The following HEATR5B variants were observed in gnomAD, a reference collection of about 807,000 sequenced individuals.
HEATR5B encodes HEAT repeat-containing protein 5B.
HEATR5B carries 156 observed loss-of-function variants against 224.1 expected under a neutral mutation model. The observed-to-expected ratio is 0.70, with a 90% CI of 0.61 to 0.80. The LOEUF (loss-of-function observed/expected upper bound fraction) is 0.80. Among genes scored for constraint, HEATR5B ranks in the 30% least tolerant of loss-of-function variants. HEATR5B has a pLI of 0.00. For synonymous variants in HEATR5B, 1,027 were observed against 893.0 expected, an observed-to-expected ratio of 1.15 and a Z score of -2.68; for missense variants, 2,323 against 2,535.5, an observed-to-expected ratio of 0.92 and a Z score of 1.80.
At chr2:37,063,551 T>C (rs920684001) in intron 10 of HEATR5B, among the ~76,000 whole-genome samples, 1 of 151,896 alleles carries the variant, frequency 6.6e-6, no homozygotes, top group Admixed American at 6.6e-5. Flanking sequence ...AGATGGAAAG[T>C]CTGAGGAAGA....
chr2:37,075,113 C>T (rs911814118), intron 5 of HEATR5B, among the ~76,000 whole-genome samples: 1 of 152,154 alleles, frequency 6.6e-6, no homozygotes, highest in Non-Finnish European at 1.5e-5. Context: ...AACTTATATA[C>T]AGATGTTCAC....
rs1258632909 is a variant in HEATR5B at position 36,990,927 on chromosome 2, T to C, written c.5546-128A>G. 7 of 692,508 alleles carry C rather than the reference T, an allele frequency of 1.0e-5. No homozygotes were observed. In the South Asian group the frequency reaches 1.4e-4, roughly 14 times the overall value. The allele number at this position is 692,508 out of a possible 1,614,324, so 42.9% of individuals were successfully genotyped here. A position where few individuals can be genotyped will look rare whatever the true frequency, so the allele number is the denominator to read the frequency against. On this transcript the variant is annotated intron_variant, in intron 33 of 35. Coordinates refer to ENST00000233099, the MANE Select transcript of HEATR5B (RefSeq NM_019024.3). ...CTGGTCTTGAACTCCTGAGCTCAAG[T>C]GATCCTCCTGCCTTGGCCTCCCAAA...
Position 37,075,386 on chromosome 2 carries a change from C to T in HEATR5B, c.597+99G>A, listed in dbSNP as rs961952016. ...AGAAAATGAAACTAATCCATTGGAA[C>T]ACAAAACATAATTTAAAATTTTAAA... On this transcript the variant is annotated intron_variant, in intron 5 of 35. Coordinates refer to ENST00000233099, the MANE Select transcript of HEATR5B (RefSeq NM_019024.3). The T allele has an allele frequency of 5.7e-6, 5 of 884,624 alleles. No individual in the cohort carries two copies. The South Asian group carries it at 6.7e-5, about 12-fold the overall frequency. The allele number at this position is 884,624 out of a possible 1,614,324, so 54.8% of individuals were successfully genotyped here.
At chr2:37,067,308 G>A (rs911777317) in intron 8 of HEATR5B, among the ~76,000 whole-genome samples, 10 of 152,036 alleles carry the variant, frequency 6.6e-5, no homozygotes, top group Admixed American at 2.0e-4. Flanking sequence ...CATTTGACGC[G>A]GTGTTTCTGG....
chr2:37,010,853 T>A (rs1667740409), intron 27 of HEATR5B, among the ~76,000 whole-genome samples: 1 of 151,520 alleles, frequency 6.6e-6, no homozygotes, highest in Admixed American at 6.6e-5. Flanking sequence ...ATTCATCAAA[T>A]CCTTACTAGG....
intron 20 of HEATR5B, among the ~76,000 whole-genome samples, chr2:37,040,050 T>C (rs781262898): frequency 5.9e-5 from 9 of 152,222 alleles, no homozygotes; most frequent in Non-Finnish European, 1.0e-4. Flanking sequence ...GGAACTCTAT[T>C]ATTAACTTTC....
At chr2:37,067,839 TACA>T (rs1217968656) in intron 8 of HEATR5B, among the ~76,000 whole-genome samples, 1 of 152,102 alleles carries the variant, frequency 6.6e-6, no homozygotes, top group Non-Finnish European at 1.5e-5. Context: ...CAACAAAAAC[TACA>T]ACTATTTATA....
In HEATR5B at chr2:37,008,741, C is replaced by T; in HGVS notation, c.4392G>A (p.Leu1464=). The part of the protein sequence containing the change: ...DDDDCGTIDE[L]PPDSLITLVQ... ...CCAGTGTTATTAAACTATCTGGTGG[C>T]AGTTCATCGATGGTACCACAGTCGT... The change falls in exon 28 of 36, where the codon CTG becomes CTA. Residue 1464 remains leucine (L), a synonymous_variant. Transcript: ENST00000233099. The T allele has an allele frequency of 6.2e-7, 1 of 1,613,740 alleles. No homozygotes were observed. Among genetic ancestry groups the T allele is most frequent in the Non-Finnish European group, 8.5e-7 (1 of 1,179,686 alleles).
chr2:37,033,858 T>C (rs1194643464), intron 21 of HEATR5B, among the ~76,000 whole-genome samples: 1 of 152,180 alleles, frequency 6.6e-6, no homozygotes, highest in Non-Finnish European at 1.5e-5. Flanking sequence ...GGCTGGCACA[T>C]GGTAACTGCT....
At chr2:36,994,005 TA>T (rs1666518916) in intron 33 of HEATR5B, among the ~76,000 whole-genome samples, 1 of 152,174 alleles carries the variant, frequency 6.6e-6, no homozygotes, top group Non-Finnish European at 1.5e-5. Flanking sequence ...CGGTTATTAT[TA>T]GGACAAGTAG....
At chr2:36,991,128 AATT>A (rs1331553079) in intron 33 of HEATR5B, among the ~76,000 whole-genome samples, 5 of 152,354 alleles carry the variant, frequency 3.3e-5, no homozygotes, top group African/African-American at 9.6e-5. Flanking sequence ...TTTAATGCTA[AATT>A]ATTATAAAAT....
intron 7 of HEATR5B, among the ~76,000 whole-genome samples, chr2:37,069,929 GCT>G (rs1425730316): frequency 7.2e-6 from 1 of 138,200 alleles, no homozygotes; most frequent in Non-Finnish European, 1.5e-5. Context: ...ATGGAGTCTC[GCT>G]CTGTCACCCA....
intron 26 of HEATR5B, among the ~76,000 whole-genome samples, chr2:37,014,623 C>T (rs982629739): frequency 2.0e-5 from 3 of 150,676 alleles, no homozygotes; most frequent in African/African-American, 7.3e-5. Context: ...AATTCTTCAA[C>T]AAAATTTCTG....
At chr2:36,995,104 T>TTTTTTTTTTTTA (rs1558702449) in intron 33 of HEATR5B, among the ~76,000 whole-genome samples, 1 of 148,586 alleles carries the variant, frequency 6.7e-6, no homozygotes, top group Admixed American at 6.7e-5. Flanking sequence ...TTTTTTTTTT[T>TTTTTTTTTTTTA]CCTGAGATGG....
intron 22 of HEATR5B, among the ~76,000 whole-genome samples, chr2:37,029,784 C>G (rs1669004360): frequency 6.6e-6 from 1 of 151,690 alleles, no homozygotes; most frequent in Non-Finnish European, 1.5e-5. Flanking sequence ...ACTAAAAATA[C>G]AAAAATTAGC....
chr2:37,012,934 T>C (rs1403115790), intron 27 of HEATR5B, among the ~76,000 whole-genome samples: 1 of 152,240 alleles, frequency 6.6e-6, no homozygotes, highest in African/African-American at 2.4e-5. Flanking sequence ...TCTCCTGTGA[T>C]AATGCTCCTT....
intron 21 of HEATR5B, among the ~76,000 whole-genome samples, chr2:37,034,670 A>G (rs954902445): frequency 4.7e-5 from 7 of 148,566 alleles, no homozygotes; most frequent in African/African-American, 1.7e-4. Context: ...GCAGTGTCAC[A>G]ATCACATCTT....
At chr2:37,065,057 A>G in intron 9 of HEATR5B, 67 bp from the exon 10 acceptor site, 1 of 1,479,962 alleles carries the variant, frequency 6.8e-7, no homozygotes, top group South Asian at 1.2e-5. Context: ...CTCAAATACT[A>G]TCTAAAAAAC....
At chr2:37,012,337 T>C (rs1667837830) in intron 27 of HEATR5B, among the ~76,000 whole-genome samples, 1 of 152,206 alleles carries the variant, frequency 6.6e-6, no homozygotes. Flanking sequence ...AGCAGAACCT[T>C]TGTGCATATC....
Sources: gnomAD v4.1 joint callset for allele counts (sites outside exome capture counted in the v4.1 genomes callset) on GRCh38, gnomAD v4.1.1 for gene constraint, MANE v1.5 for transcripts, NCBI Gene and HGNC (gene_info 2026-07-23, HGNC 2026-07-21) for gene names.